RADIL: variants seen among roughly 807,000 people sequenced by gnomAD.
RADIL encodes the protein ras-associating and dilute domain-containing protein.
Under a neutral mutation model 97.6 loss-of-function variants are expected in RADIL, and 99 were observed. The ratio of observed to expected loss-of-function variants is 1.01; its 90% CI spans 0.86 to 1.20. RADIL has a LOEUF of 1.20. Ranked by LOEUF, RADIL falls within the 50% of genes most tolerant of loss-of-function variation. The probability of loss-of-function intolerance (pLI) is 0.00; values close to 1 mark genes in which losing one functional copy is unlikely to be tolerated. For synonymous variants in RADIL, 803 were observed against 691.8 expected (o/e 1.16, Z -2.52); for missense variants, 1,765 against 1,498.9 (o/e 1.18, Z -2.93).
intron 2 of RADIL, chr7:4,838,051 T>C: frequency 8.1e-6 from 8 of 985,428 alleles, no homozygotes; most frequent in Non-Finnish European, 9.6e-6. Context: ...CGGCAGCCTG[T>C]GCATCTGCAG....
At chr7:4,875,196 A>C (rs1316046375) in intron 2 of RADIL, among the ~76,000 whole-genome samples, 1 of 58,242 alleles carries the variant, frequency 1.7e-5, no homozygotes, top group African/African-American at 9.0e-5. Flanking sequence ...CATCTCCAAC[A>C]ACAACAACAA....
At position 4,815,361 on chromosome 7, in the gene RADIL, A is replaced by G. The variant is rs1782649931; in HGVS notation, c.2056T>C (p.Phe686Leu). The G allele has an allele frequency of 6.4e-7, 1 of 1,559,882 alleles. No homozygotes were observed. The highest frequency in any genetic ancestry group is 1.4e-5 in the African/African-American group (1 of 74,060). The change falls in exon 9 of 15, where the codon TTC becomes CTC. Residue 686 changes from phenylalanine to leucine, a missense_variant. Physicochemically the swap from Phe to Leu is conservative, Grantham distance 22. Transcript: ENST00000399583. This position sits in a 1 kb window ranked among gnomAD's most constrained non-coding sequence, Gnocchi z 8.0. ...QLLEWMRSAGFGAAGEHFFQK... is the reference protein window; with the variant it reads ...QLLEWMRSAGLGAAGEHFFQK... ...AAGAAGTGCTCTCCAGCCGCCCCGA[A>G]GCCGGCGCTCCGCATCCACTCCAGG...
In RADIL at chr7:4,815,106, C is replaced by T. The variant is rs1782643837; in HGVS notation, c.2139+172G>A. Among the ~76,000 whole-genome samples the T allele has an allele frequency of 6.6e-6, 1 of 152,184 alleles. No individual in the cohort carries two copies. Among genetic ancestry groups the T allele is most frequent in the South Asian group, 2.1e-4 (1 of 4,830 alleles). ...CTTTGGGCCATTATCCTGTCTACCG[C>T]AGGTGGACACAGCCATGGAATGGAA... On this transcript the variant is annotated intron_variant, in intron 9 of 14. Transcript: ENST00000399583. The surrounding 1 kb of genome is among the most constrained non-coding windows in gnomAD (Gnocchi z 8.0).
In RADIL at chr7:4,799,387, G is replaced by T; in HGVS notation, c.3219C>A (p.Pro1073=). The T allele has an allele frequency of 5.0e-6, 8 of 1,613,720 alleles. No homozygotes were observed. In the African/African-American group the frequency reaches 1.1e-4, roughly 22 times the overall value. ...TGTCCTCGCAGCCCCCCTAGAGAGG[G>T]GGCGTGCGGAAATGGATCTTCTTGG... ...ETAKKIHFRT[P]PL Residue 1073 remains proline (P), a synonymous_variant, in exon 15 of 15, where the codon CCC becomes CCA. Coordinates refer to ENST00000399583, the MANE Select transcript of RADIL (RefSeq NM_018059.5).
chr7:4,836,236 G>A (rs1168101144), intron 3 of RADIL, 122 bp downstream of exon 3: 32 of 1,415,476 alleles, frequency 2.3e-5, no homozygotes, highest in Admixed American at 6.8e-5. Context: ...ACAGCCAGAG[G>A]GGCTGCAGCC....
At chr7:4,823,153 A>G (rs1583282953) in intron 5 of RADIL, among the ~76,000 whole-genome samples, 1 of 152,110 alleles carries the variant, frequency 6.6e-6, no homozygotes, top group African/African-American at 2.4e-5. Flanking sequence ...CTCAGAGGCA[A>G]TCGTTAGAAA....
rs1422657533 is a variant in RADIL at position 4,880,291 on chromosome 7, G to C, written c.-64-2088C>G. Among the ~76,000 whole-genome samples, 1 of 152,168 alleles carries C rather than the reference G, an allele frequency of 6.6e-6. No homozygotes were observed. Among genetic ancestry groups the C allele is most frequent in the African/African-American group, 2.4e-5 (1 of 41,454 alleles). On this transcript the variant is annotated intron_variant, in intron 1 of 14. Transcript: ENST00000399583. This position sits in a 1 kb window ranked among gnomAD's most constrained non-coding sequence, Gnocchi z 4.5. ...GCCTTGTCAAATCCTAAGAAGCTCA[G>C]AGCCGGCCGCAGCTTCCCCCACGGA...
In RADIL at chr7:4,835,798, T is replaced by C. The variant is rs535768732; in HGVS notation, c.784-559A>G. On this transcript the variant is annotated intron_variant, in intron 3 of 14. Transcript: ENST00000399583. The surrounding 1 kb of genome is among the most constrained non-coding windows in gnomAD (Gnocchi z 5.8). ...GGTGAGCAGGGGGCGGGGAAAACAG[T>C]TGTCTGGCAGGGCAAGTGTCCGGCA... Among the ~76,000 whole-genome samples the C allele has an allele frequency of 6.6e-6, 1 of 152,262 alleles. No individual in the cohort carries two copies. The highest frequency in any genetic ancestry group is 2.4e-5 in the African/African-American group (1 of 41,576).
chr7:4,838,562 C>T (rs1314691361), intron 2 of RADIL, among the ~76,000 whole-genome samples: 1 of 152,196 alleles, frequency 6.6e-6, no homozygotes, highest in Non-Finnish European at 1.5e-5. Flanking sequence ...CCAGGCAAGG[C>T]TCCACAGCCT....
At chr7:4,846,434 C>T (rs143110195) in intron 2 of RADIL, among the ~76,000 whole-genome samples, 364 of 152,126 alleles carry the variant, frequency 2.4e-3, no homozygotes, top group African/African-American at 8.1e-3. Context: ...CGTGAGCCAC[C>T]GCGCCCGGCC....
chr7:4,806,333 G>GTTTTTGT (rs1782307854), intron 9 of RADIL, among the ~76,000 whole-genome samples: 1 of 150,880 alleles, frequency 6.6e-6, no homozygotes, highest in South Asian at 2.1e-4. Context: ...TTTTGTTTTT[G>GTTTTTGT]TTTTTTTTTG....
At chr7:4,841,376 G>A (rs117472803) in intron 2 of RADIL, among the ~76,000 whole-genome samples, 3,145 of 152,334 alleles carry the variant, frequency 0.021, 40 homozygotes, top group Middle Eastern at 0.027. Flanking sequence ...AGCCAGGGAG[G>A]GGAGCCACTG....
At chr7:4,828,782 G>A (rs1043162241) in intron 5 of RADIL, among the ~76,000 whole-genome samples, 5 of 152,190 alleles carry the variant, frequency 3.3e-5, no homozygotes, top group African/African-American at 1.2e-4. Context: ...GATGGAAACG[G>A]CTGTTTTTAG....
chr7:4,804,164 C>A (rs898037825), intron 10 of RADIL: 9 of 293,478 alleles, frequency 3.1e-5, no homozygotes, highest in Non-Finnish European at 6.2e-5. Flanking sequence ...GCAGGAATCA[C>A]GGGACCCAAA....
chr7:4,836,484 G>A lies in RADIL; in HGVS notation c.657C>T (p.Ser219=), dbSNP rs1300692679. Residue 219 remains serine (S), a synonymous_variant, in exon 3 of 15, where the codon AGC becomes AGT. Transcript: ENST00000399583. ...CGGGCAGGGCGTTCACTGGGCTCAG[G>A]CTGGTCTCACTGACTGTGCGGCGCA... ...PRLRRTVSET[S]LSPVNALPAA... The A allele has an allele frequency of 1.9e-6, 3 of 1,607,572 alleles. No individual in the cohort carries two copies. Among genetic ancestry groups the A allele is most frequent in the South Asian group, 1.1e-5 (1 of 90,586 alleles).
At chr7:4,858,461 G>A (rs1583312970) in intron 2 of RADIL, 1 of 152,462 alleles carries the variant, frequency 6.6e-6, no homozygotes, top group Non-Finnish European at 1.5e-5. Flanking sequence ...TAGACTAAAA[G>A]AGCAGAAAGC....
Position 4,878,938 on chromosome 7 carries a change from A to C in RADIL, c.-64-735T>G, listed in dbSNP as rs1019300551. On this transcript the variant is annotated intron_variant, in intron 1 of 14. Coordinates refer to ENST00000399583, the MANE Select transcript of RADIL (RefSeq NM_018059.5). The surrounding 1 kb of genome is among the most constrained non-coding windows in gnomAD (Gnocchi z 4.1). Reference sequence around the variant, plus strand: ...GGGAAATGGGTCACAAACACAGTGCAACCAGGAAAACAGGCGAATCGCAGC... The same window carrying C: ...GGGAAATGGGTCACAAACACAGTGCCACCAGGAAAACAGGCGAATCGCAGC... 4.6e-5 allele frequency among the ~76,000 whole-genome samples: 7 copies of C among 152,364 alleles called. No individual in the cohort carries two copies. Among genetic ancestry groups the C allele is most frequent in the Non-Finnish European group, 4.4e-5 (3 of 68,032 alleles).
chr7:4,820,137 C>G (rs149092409), intron 6 of RADIL, among the ~76,000 whole-genome samples: 1 of 152,242 alleles, frequency 6.6e-6, no homozygotes, highest in Non-Finnish European at 1.5e-5. Context: ...GGCCCCGTCC[C>G]CCTGTCACAC....
rs774261010 is a variant in RADIL, at chr7:4,872,537, G to A, written c.535+5068C>T. 5.3e-5 allele frequency among the ~76,000 whole-genome samples: 8 copies of A among 152,056 alleles called. No individual in the cohort carries two copies. Among genetic ancestry groups the A allele is most frequent in the Non-Finnish European group, 1.2e-4 (8 of 68,014 alleles). The stretch of plus-strand genomic sequence containing the variant: ...ATCTAAGTGGCTGCTGTCTTATCTC[G>A]GTGACAGGACCCAGGCCCCTCTGTG... On this transcript the variant is annotated intron_variant, in intron 2 of 14. Coordinates refer to ENST00000399583, the MANE Select transcript of RADIL (RefSeq NM_018059.5). This position sits in a 1 kb window ranked among gnomAD's most constrained non-coding sequence, Gnocchi z 5.8.
Sources: allele counts gnomAD v4.1 joint callset (sites outside exome capture counted in the v4.1 genomes callset), GRCh38; gene constraint gnomAD v4.1.1; non-coding constraint Gnocchi (gnomAD v3.1); transcripts MANE v1.5; gene names NCBI Gene and HGNC (gene_info 2026-07-23, HGNC 2026-07-21).